Variants in BARD1 observed in about 807,000 individuals in gnomAD.
The protein encoded by BARD1 is BRCA1-associated RING domain protein 1.
Under a neutral mutation model 77.0 loss-of-function variants are expected in BARD1, and 73 were observed. The observed-to-expected ratio is 0.95, with a 90% CI of 0.79 to 1.15. The LOEUF is 1.15. BARD1 is among the 50% of genes most tolerant of loss of function. The probability of loss-of-function intolerance (pLI) is 0.00; values close to 1 mark genes in which losing one functional copy is unlikely to be tolerated. For synonymous variants in BARD1, 384 were observed against 338.0 expected (o/e 1.14, Z -1.49); for missense variants, 993 against 938.8 (o/e 1.06, Z -0.75).
At chr2:214,747,254 A>G (rs971919470) in intron 7 of BARD1, among the ~76,000 whole-genome samples, 45 of 151,922 alleles carry the variant, frequency 3.0e-4, no homozygotes, top group Non-Finnish European at 5.3e-4. Context: ...TTACACTGTT[A>G]GTGGGACTGT....
intron 6 of BARD1, among the ~76,000 whole-genome samples, chr2:214,766,823 T>C (rs1455985142): frequency 6.6e-6 from 1 of 152,232 alleles, no homozygotes; most frequent in Non-Finnish European, 1.5e-5. Flanking sequence ...TTTTCCCCTT[T>C]TTAAACTTTT....
At chr2:214,786,214 G>C (rs1044692457) in intron 3 of BARD1, among the ~76,000 whole-genome samples, 4 of 150,866 alleles carry the variant, frequency 2.7e-5, no homozygotes, top group African/African-American at 9.9e-5. Flanking sequence ...GATTATTACT[G>C]AGAACTTTTA....
rs994196901 is a variant in BARD1 at position 214,763,654 on chromosome 2, T to C, written c.1568+3828A>G. Among the ~76,000 whole-genome samples the C allele has an allele frequency of 7.2e-5, 11 of 152,262 alleles. 1 individual carries two copies. The highest frequency in any genetic ancestry group is 3.4e-3 in the Middle Eastern group (1 of 294). On this transcript the variant is annotated intron_variant, in intron 6 of 10. Transcript: ENST00000260947. ...CTTGCTGGTTCTTACCCTTCTTCCATGGGAAGAGTTCAGGCCTGGTTATTG... is the reference window on the plus strand; with the variant it reads ...CTTGCTGGTTCTTACCCTTCTTCCACGGGAAGAGTTCAGGCCTGGTTATTG...
At chr2:214,762,493 T>TG (rs1345765641) in intron 6 of BARD1, among the ~76,000 whole-genome samples, 1 of 152,138 alleles carries the variant, frequency 6.6e-6, no homozygotes, top group African/African-American at 2.4e-5. Context: ...CTTAAACAAA[T>TG]GGAGACATGC....
rs1692075967 is a variant in BARD1 at position 214,726,147 on chromosome 2, T to C, written c.*2529A>G. The C allele has an allele frequency of 9.2e-6, 2 of 216,650 alleles. No homozygotes were observed. Among genetic ancestry groups the C allele is most frequent in the East Asian group, 1.4e-4 (2 of 14,640 alleles). 13.4% of individuals were successfully genotyped at this position (216,650 alleles called of 1,614,324 possible). A position where few individuals can be genotyped will look rare whatever the true frequency, so the allele number is the denominator to read the frequency against. ...TGAAGTCAGTGAAAACCTTCACACA[T>C]TGCTCATTTACCCTTATTTCAATCA... is the stretch of plus-strand genomic sequence containing the variant. On this transcript the variant is annotated 3_prime_UTR_variant, in exon 11 of 11. Coordinates refer to ENST00000260947, the MANE Select transcript of BARD1 (RefSeq NM_000465.4).
chr2:214,749,291 G>A (rs2106029277), intron 7 of BARD1, among the ~76,000 whole-genome samples: 1 of 152,248 alleles, frequency 6.6e-6, no homozygotes, highest in Admixed American at 6.5e-5. Flanking sequence ...AAGAGTGAGT[G>A]AAGAAGAGAC....
At chr2:214,790,679 C>G (rs977427366) in intron 3 of BARD1, among the ~76,000 whole-genome samples, 3 of 152,128 alleles carry the variant, frequency 2.0e-5, no homozygotes, top group African/African-American at 7.2e-5. Context: ...TGGTGAAGAA[C>G]CAAATCAAAA....
intron 9 of BARD1, among the ~76,000 whole-genome samples, chr2:214,732,103 T>C (rs1692381079): frequency 6.6e-6 from 1 of 152,200 alleles, no homozygotes; most frequent in African/African-American, 2.4e-5. Context: ...ATTAGACATA[T>C]ATGTTGGATA....
chr2:214,808,576 A>G (rs534633309), intron 1 of BARD1, among the ~76,000 whole-genome samples: 4 of 152,248 alleles, frequency 2.6e-5, no homozygotes, highest in African/African-American at 9.6e-5. Context: ...AGAAATACTT[A>G]GCTGTACACA....
At chr2:214,798,224 TAC>T (rs1695846415) in intron 1 of BARD1, among the ~76,000 whole-genome samples, 2 of 148,742 alleles carry the variant, frequency 1.3e-5, no homozygotes, top group Admixed American at 1.3e-4. Flanking sequence ...CGAAAAACAG[TAC>T]ACACCCACAA....
intron 4 of BARD1, among the ~76,000 whole-genome samples, chr2:214,779,976 C>A (rs1694904011): frequency 6.6e-6 from 1 of 152,132 alleles, no homozygotes; most frequent in Non-Finnish European, 1.5e-5. Flanking sequence ...GCTGCCACAT[C>A]TCAGGTGTTG....
In BARD1 at chr2:214,782,116, A is replaced by C. The variant is rs1354860795; in HGVS notation, c.365-607T>G. Among the ~76,000 whole-genome samples, 24 of 152,188 alleles carry C rather than the reference A, an allele frequency of 1.6e-4. 2 individuals are homozygous for C. The highest frequency in any genetic ancestry group is 1.5e-3 in the Admixed American group (23 of 15,274). On this transcript the variant is annotated intron_variant, in intron 3 of 10. Coordinates refer to ENST00000260947, the MANE Select transcript of BARD1 (RefSeq NM_000465.4). ...ATGACTTCAAAACGTATCTCTGACAAAATGAATAAAGGGGATTAAAGACAA... is the reference window on the plus strand; with the variant it reads ...ATGACTTCAAAACGTATCTCTGACACAATGAATAAAGGGGATTAAAGACAA...
At position 214,726,822 on chromosome 2, in the gene BARD1, A is replaced by T. The variant is rs1184753093; in HGVS notation, c.*1854T>A. On this transcript the variant is annotated 3_prime_UTR_variant, in exon 11 of 11. Coordinates refer to ENST00000260947, the MANE Select transcript of BARD1 (RefSeq NM_000465.4). ...GATGAAACTGCTTAACAGTCAGGGA[A>T]AAACAACAAAAAGAAGGGAGGGGTG... The T allele has an allele frequency of 1.3e-5, 3 of 228,344 alleles. No homozygotes were observed. The highest frequency in any genetic ancestry group is 2.6e-5 in the Non-Finnish European group (3 of 115,066). 14.1% of individuals were successfully genotyped at this position (228,344 alleles called of 1,614,324 possible).
intron 6 of BARD1, among the ~76,000 whole-genome samples, chr2:214,764,386 C>T (rs899882250): frequency 7.2e-5 from 11 of 151,996 alleles, no homozygotes; most frequent in African/African-American, 2.7e-4. Context: ...GGAAAGGTGG[C>T]CAAAAGGACA....
At chr2:214,786,191 A>G (rs1007193670) in intron 3 of BARD1, among the ~76,000 whole-genome samples, 1 of 151,998 alleles carries the variant, frequency 6.6e-6, no homozygotes, top group South Asian at 2.1e-4. Flanking sequence ...GTTCAATAAC[A>G]TTTTCAAATG....
chr2:214,744,722 C>T (rs1037517837), intron 9 of BARD1, among the ~76,000 whole-genome samples: 10 of 152,174 alleles, frequency 6.6e-5, no homozygotes, highest in Admixed American at 1.3e-4. Context: ...GCTCCACCTC[C>T]CAGGTTCACG....
At position 214,752,312 on chromosome 2, in the gene BARD1, C is replaced by T; in HGVS notation, c.1677+135G>A. On this transcript the variant is annotated intron_variant, in intron 7 of 10. Transcript: ENST00000260947. The stretch of plus-strand genomic sequence containing the variant: ...GATTATGTCTTTGAATCCACAGTAG[C>T]TAATACTCAGGAAGTGCTCAATAAT... The T allele has an allele frequency of 5.6e-6, 4 of 709,118 alleles. No individual in the cohort carries two copies. In the South Asian group the frequency reaches 6.5e-5, roughly 11 times the overall value. The allele number at this position is 709,118 out of a possible 1,614,324, so 43.9% of individuals were successfully genotyped here. A position where few individuals can be genotyped will look rare whatever the true frequency, so the allele number is the denominator to read the frequency against.
At chr2:214,767,354 A>G in intron 6 of BARD1, 128 bp downstream of exon 6, 1 of 880,432 alleles carries the variant, frequency 1.1e-6, no homozygotes, top group Non-Finnish European at 1.8e-6. Flanking sequence ...TGTGATGATC[A>G]CATCTAATTT....
intron 4 of BARD1, among the ~76,000 whole-genome samples, chr2:214,779,060 T>C (rs1199637057): frequency 6.6e-6 from 1 of 152,140 alleles, no homozygotes; most frequent in African/African-American, 2.4e-5. Flanking sequence ...ACAAAAAATG[T>C]CTAATTTTGT....
Sources: gnomAD v4.1 joint callset for allele counts (sites outside exome capture counted in the v4.1 genomes callset) on GRCh38, gnomAD v4.1.1 for gene constraint, MANE v1.5 for transcripts, NCBI Gene and HGNC (gene_info 2026-07-23, HGNC 2026-07-21) for gene names.